ZDHHC21: variants seen among roughly 807,000 people sequenced by gnomAD.
The protein encoded by ZDHHC21 is zDHHC palmitoyltransferase 21.
ZDHHC21 carries 15 observed loss-of-function variants against 34.6 expected under a neutral mutation model. The ratio of observed to expected loss-of-function variants is 0.43; its 90% CI spans 0.29 to 0.67. The LOEUF (loss-of-function observed/expected upper bound fraction) is 0.67, where lower values mean the gene tolerates loss of function less well. Among genes scored for constraint, ZDHHC21 ranks in the 30% least tolerant of loss-of-function variants. The pLI is 0.14. For synonymous variants in ZDHHC21, 142 were observed against 101.8 expected (o/e 1.40, Z -2.38); for missense variants, 344 against 327.7 (o/e 1.05, Z -0.38).
chr9:14,624,236 A>G (rs1283175137), intron 8 of ZDHHC21, among the ~76,000 whole-genome samples: 1 of 152,192 alleles, frequency 6.6e-6, no homozygotes, highest in Non-Finnish European at 1.5e-5. Flanking sequence ...AGTTATATTC[A>G]AATACTACAC....
intron 2 of ZDHHC21, among the ~76,000 whole-genome samples, chr9:14,682,777 ATAGT>A (rs1166068267): frequency 2.6e-5 from 4 of 152,214 alleles, no homozygotes; most frequent in African/African-American, 9.7e-5. Context: ...AACTGACCAC[ATAGT>A]TAGAAGTAAA....
chr9:14,641,409 A>T (rs1055492936), intron 7 of ZDHHC21, among the ~76,000 whole-genome samples: 1 of 152,200 alleles, frequency 6.6e-6, no homozygotes, highest in Non-Finnish European at 1.5e-5. Context: ...AATTAAGTAA[A>T]TTCTGCATTA....
intron 8 of ZDHHC21, among the ~76,000 whole-genome samples, chr9:14,634,469 T>C (rs1239538218): frequency 6.6e-6 from 1 of 152,116 alleles, no homozygotes; most frequent in Non-Finnish European, 1.5e-5. Context: ...CACTTGCTGC[T>C]GCCACCACTA....
chr9:14,669,572 T>C (rs199802378), intron 5 of ZDHHC21, among the ~76,000 whole-genome samples: 4 of 149,464 alleles, frequency 2.7e-5, no homozygotes, highest in Non-Finnish European at 4.5e-5. Flanking sequence ...TATTGCAGCA[T>C]TATTCACAAT....
intron 8 of ZDHHC21, among the ~76,000 whole-genome samples, chr9:14,627,302 C>T (rs1826443414): frequency 1.3e-5 from 2 of 152,092 alleles, no homozygotes; most frequent in Non-Finnish European, 2.9e-5. Context: ...ACTGTCACCC[C>T]TGCATTTATG....
intron 8 of ZDHHC21, chr9:14,622,507 G>A: frequency 1.0e-6 from 1 of 985,036 alleles, no homozygotes; most frequent in Non-Finnish European, 1.2e-6. Context: ...TAAAGAGCAA[G>A]AATTTATCAC....
At chr9:14,605,476 G>T in the ZDHHC21 span, among the ~76,000 whole-genome samples, 1 of 152,034 alleles carries the variant, frequency 6.6e-6, no homozygotes, top group Non-Finnish European at 1.5e-5. Context: ...GGTCATTTGT[G>T]TGTCTTCTTT....
the ZDHHC21 span, among the ~76,000 whole-genome samples, chr9:14,605,718 T>C: frequency 2.0e-5 from 3 of 152,258 alleles, no homozygotes; most frequent in Non-Finnish European, 4.4e-5. Flanking sequence ...ATATTTGCTT[T>C]TGTTGCTTGT....
intron 3 of ZDHHC21, among the ~76,000 whole-genome samples, chr9:14,675,982 G>A (rs2131554957): frequency 6.6e-6 from 1 of 152,058 alleles, no homozygotes; most frequent in South Asian, 2.1e-4. Context: ...TGTGGAGAGT[G>A]AGTGCTAAGA....
Position 14,662,314 on chromosome 9 carries a change from C to G in ZDHHC21, c.266G>C (p.Trp89Ser). 3 of 1,606,388 alleles carry G rather than the reference C, an allele frequency of 1.9e-6. No homozygotes were observed. Among genetic ancestry groups the G allele is most frequent in the Non-Finnish European group, 2.5e-6 (3 of 1,177,470 alleles). Residue 89 changes from tryptophan to serine, a missense_variant, in exon 6 of 10, where the codon TGG (tryptophan) becomes TCG (serine). Trp to Ser is a radical substitution (Grantham distance 177). Transcript: ENST00000380916. ...CAAATTACACTTGTTACATAATTCC[C>G]AGAACTCCCTTTCTAAAGAAAAGAA... ...PKIPHGEREF[W>S]ELCNKCNLMR...
At chr9:14,674,534 T>C (rs2131540818) in intron 3 of ZDHHC21, 149 bp from the exon 4 acceptor site, 1 of 480,974 alleles carries the variant, frequency 2.1e-6, no homozygotes, top group Non-Finnish European at 3.6e-6. Flanking sequence ...TGATATTTCT[T>C]TGTATATATA....
chr9:14,589,308 C>T, the ZDHHC21 span: 1 of 152,106 alleles, frequency 6.6e-6, no homozygotes, highest in African/African-American at 2.4e-5. Context: ...ATGTATGAAA[C>T]CACCATTCTC....
At chr9:14,620,752 C>G (rs770216876) in intron 8 of ZDHHC21, among the ~76,000 whole-genome samples, 1 of 151,820 alleles carries the variant, frequency 6.6e-6, no homozygotes, top group Non-Finnish European at 1.5e-5. Flanking sequence ...TACAGTTAGC[C>G]TATGTAAGAG....
At chr9:14,685,133 A>G (rs1177807397) in intron 2 of ZDHHC21, among the ~76,000 whole-genome samples, 2 of 151,958 alleles carry the variant, frequency 1.3e-5, no homozygotes, top group Non-Finnish European at 2.9e-5. Flanking sequence ...CATTCAGGAC[A>G]TAGGCATGGG....
intron 8 of ZDHHC21, among the ~76,000 whole-genome samples, chr9:14,638,361 G>T (rs1034777243): frequency 6.6e-6 from 1 of 151,898 alleles, no homozygotes; most frequent in East Asian, 1.9e-4. Context: ...ACGGAAACTG[G>T]ACCCCATTTC....
intron 2 of ZDHHC21, chr9:14,683,447 TAGA>T (rs1266958485): frequency 6.6e-6 from 1 of 152,132 alleles, no homozygotes; most frequent in Non-Finnish European, 1.5e-5. Context: ...CTAGAAAATC[TAGA>T]AGAAATGGAT....
chr9:14,601,549 G>C, the ZDHHC21 span, among the ~76,000 whole-genome samples: 1 of 152,168 alleles, frequency 6.6e-6, no homozygotes, highest in Non-Finnish European at 1.5e-5. Flanking sequence ...CTGCTGGTGG[G>C]AGTGTAAATT....
At chr9:14,609,303 G>C (rs1823124963), downstream of ZDHHC21, among the ~76,000 whole-genome samples, 3 of 152,112 alleles carry the variant, frequency 2.0e-5, no homozygotes, top group African/African-American at 7.2e-5. Flanking sequence ...CTAAAGAAAA[G>C]CACTTGTGTG....
intron 6 of ZDHHC21, among the ~76,000 whole-genome samples, chr9:14,659,591 A>C (rs1363037638): frequency 6.6e-6 from 1 of 152,076 alleles, no homozygotes; most frequent in Admixed American, 6.5e-5. Context: ...AAATTCCAGC[A>C]AAAAACCCTA....
Sources: gnomAD v4.1 joint callset for allele counts (sites outside exome capture counted in the v4.1 genomes callset) on GRCh38, gnomAD v4.1.1 for gene constraint, MANE v1.5 for transcripts, NCBI Gene and HGNC (gene_info 2026-07-23, HGNC 2026-07-21) for gene names.